The following GPC6 variants were observed in gnomAD, a reference collection of about 807,000 sequenced individuals.
GPC6 encodes glypican-6.
In GPC6, 14 loss-of-function variants were observed where a neutral mutation model predicts 55.2. The observed-to-expected ratio is 0.25, with a 90% confidence interval of 0.17 to 0.40. The LOEUF is 0.40. GPC6 is among the 10% of genes least tolerant of loss of function. The pLI is 1.00. For missense variants in GPC6, 641 were observed against 708.5 expected, an observed-to-expected ratio of 0.90 and a Z score of 1.08; for synonymous variants, 278 against 259.6, an observed-to-expected ratio of 1.07 and a Z score of -0.68.
chr13:94,156,352 T>C (rs1251035844), intron 4 of GPC6, among the ~76,000 whole-genome samples: 1 of 152,038 alleles, frequency 6.6e-6, no homozygotes, highest in Non-Finnish European at 1.5e-5. Context: ...AAAGGGGTAA[T>C]GAATATGGAT....
chr13:93,578,780 A>G (rs1243288432), intron 2 of GPC6, among the ~76,000 whole-genome samples: 2 of 149,350 alleles, frequency 1.3e-5, no homozygotes, highest in Non-Finnish European at 3.0e-5. Context: ...TTTTTAGGTT[A>G]TTTATTTGAA....
At chr13:94,146,250 A>G (rs1442196901) in intron 4 of GPC6, among the ~76,000 whole-genome samples, 1 of 152,072 alleles carries the variant, frequency 6.6e-6, no homozygotes, top group Non-Finnish European at 1.5e-5. Context: ...TAGATGTGCA[A>G]TATATGTTGT....
intron 4 of GPC6, among the ~76,000 whole-genome samples, chr13:94,043,870 G>C (rs905996715): frequency 6.6e-6 from 1 of 151,606 alleles, no homozygotes; most frequent in Non-Finnish European, 1.5e-5. Flanking sequence ...AAATTACTTA[G>C]GTTAGTTATG....
intron 6 of GPC6, among the ~76,000 whole-genome samples, chr13:94,346,067 C>T (rs78566949): frequency 0.076 from 9,709 of 127,612 alleles, 431 homozygotes; most frequent in Middle Eastern, 0.14. Context: ...CATCACATGG[C>T]ATTTCCCTGC....
intron 2 of GPC6, among the ~76,000 whole-genome samples, chr13:93,761,391 T>G (rs117559232): frequency 6.6e-6 from 1 of 152,310 alleles, no homozygotes; most frequent in Non-Finnish European, 1.5e-5. Flanking sequence ...ATCTTCAGTT[T>G]GCAGGAAATT....
chr13:94,253,082 A>C (rs970980598), intron 4 of GPC6, among the ~76,000 whole-genome samples: 1 of 151,466 alleles, frequency 6.6e-6, no homozygotes, highest in Non-Finnish European at 1.5e-5. Flanking sequence ...TGCTGGAAAA[A>C]CTCCCTCCTG....
intron 2 of GPC6, among the ~76,000 whole-genome samples, chr13:93,621,569 G>A (rs922271104): frequency 1.3e-5 from 2 of 152,092 alleles, no homozygotes; most frequent in Non-Finnish European, 2.9e-5. Flanking sequence ...TTACTAACAA[G>A]TTGCTTATAT....
At chr13:93,399,598 G>A (rs1875994184) in intron 1 of GPC6, among the ~76,000 whole-genome samples, 1 of 152,226 alleles carries the variant, frequency 6.6e-6, no homozygotes, top group Admixed American at 6.5e-5. Flanking sequence ...GAAAAGAAAT[G>A]TGAGTGTGAC....
At chr13:94,063,335 C>T (rs1192816846) in intron 4 of GPC6, among the ~76,000 whole-genome samples, 3 of 152,170 alleles carry the variant, frequency 2.0e-5, no homozygotes, top group Admixed American at 6.6e-5. Flanking sequence ...GAGAATTCTT[C>T]AACAAAGTAT....
intron 2 of GPC6, among the ~76,000 whole-genome samples, chr13:93,819,062 T>A (rs1886957016): frequency 6.6e-6 from 1 of 152,162 alleles, no homozygotes; most frequent in South Asian, 2.1e-4. Flanking sequence ...GAATGCAGCC[T>A]GGGCATAAAG....
At chr13:93,764,918 G>A (rs1186872741) in intron 2 of GPC6, among the ~76,000 whole-genome samples, 1 of 152,098 alleles carries the variant, frequency 6.6e-6, no homozygotes, top group Non-Finnish European at 1.5e-5. Context: ...TGCTGCCTCA[G>A]CCTCCCGAGT....
intron 1 of GPC6, among the ~76,000 whole-genome samples, chr13:93,266,441 A>G (rs1877327881): frequency 6.6e-6 from 1 of 152,216 alleles, no homozygotes; most frequent in Non-Finnish European, 1.5e-5. Flanking sequence ...GATGCTGTAA[A>G]GTTAAGAAAC....
chr13:94,370,166 C>A (rs1469926135), intron 6 of GPC6, among the ~76,000 whole-genome samples: 1 of 152,156 alleles, frequency 6.6e-6, no homozygotes, highest in Non-Finnish European at 1.5e-5. Flanking sequence ...ACTTGGGAGG[C>A]TGTAATGCAT....
intron 1 of GPC6, among the ~76,000 whole-genome samples, chr13:93,344,388 C>A (rs1465333690): frequency 6.6e-6 from 1 of 152,156 alleles, no homozygotes; most frequent in Non-Finnish European, 1.5e-5. Flanking sequence ...TATATTGTTT[C>A]CCTTTGAATT....
chr13:93,238,096 G>A (rs1374220372), intron 1 of GPC6, among the ~76,000 whole-genome samples: 3 of 152,060 alleles, frequency 2.0e-5, no homozygotes, highest in Non-Finnish European at 4.4e-5. Flanking sequence ...TTCTAACTCT[G>A]TGAAAAACGA....
intron 2 of GPC6, among the ~76,000 whole-genome samples, chr13:93,642,342 G>A (rs536433267): frequency 1.3e-5 from 2 of 152,134 alleles, no homozygotes; most frequent in East Asian, 3.9e-4. Flanking sequence ...TATTATGGCT[G>A]CATAGTATTC....
At position 93,830,334 on chromosome 13, in the gene GPC6, G is replaced by A. The variant is rs751682331; in HGVS notation, c.500G>A (p.Arg167Gln). 1.1e-5 allele frequency: 17 copies of A among 1,613,786 alleles called. No homozygotes were observed. Among genetic ancestry groups the A allele is most frequent in the Admixed American group, 1.7e-5 (1 of 59,978 alleles). ...GAAATGCTCAATGACTTTTGGGCTC[G>A]GCTCCTGGAACGGATGTTTCAGCTG... ...LEEMLNDFWARLLERMFQLIN... is the reference protein window; with the variant it reads ...LEEMLNDFWAQLLERMFQLIN... The change falls in exon 3 of 9, where the codon CGG (arginine) becomes CAG (glutamine). Residue 167 changes from arginine (R) to glutamine (Q), a missense_variant. Physicochemically the swap from Arg to Gln is conservative, Grantham distance 43 (BLOSUM62 1). Coordinates refer to ENST00000377047, the MANE Select transcript of GPC6 (RefSeq NM_005708.5).
At chr13:94,007,942 G>A (rs1241881342) in intron 3 of GPC6, among the ~76,000 whole-genome samples, 1 of 151,950 alleles carries the variant, frequency 6.6e-6, no homozygotes. Context: ...AAAATTTATT[G>A]ATAATGCCAT....
At chr13:94,369,963 T>C (rs554201514) in intron 6 of GPC6, among the ~76,000 whole-genome samples, 9 of 152,256 alleles carry the variant, frequency 5.9e-5, no homozygotes, top group Non-Finnish European at 1.3e-4. Flanking sequence ...GTGTATTTAT[T>C]CATTTGACAA....
Sources: allele counts gnomAD v4.1 joint callset (sites outside exome capture counted in the v4.1 genomes callset), GRCh38; gene constraint gnomAD v4.1.1; transcripts MANE v1.5; gene names NCBI Gene and HGNC (gene_info 2026-07-23, HGNC 2026-07-21).